NDUFB6: variants seen among roughly 807,000 people sequenced by gnomAD.
The protein encoded by NDUFB6 is NADH dehydrogenase [ubiquinone] 1 beta subcomplex subunit 6.
A neutral mutation model predicts 17.5 loss-of-function variants in NDUFB6; 23 were observed. The observed-to-expected ratio is 1.31, with a 90% CI of 0.94 to 1.86. NDUFB6 has a LOEUF of 1.86. Ranked by LOEUF, NDUFB6 falls within the 40% of genes most tolerant of loss-of-function variation. The pLI is 0.00. For missense variants in NDUFB6, 167 were observed against 153.8 expected, an observed-to-expected ratio of 1.09 and a Z score of -0.46; for synonymous variants, 60 against 53.5, an observed-to-expected ratio of 1.12 and a Z score of -0.53.
chr9:32,563,490 G>GTTTTTTTTTT (rs1239149080), intron 2 of NDUFB6, among the ~76,000 whole-genome samples: 1 of 47,562 alleles, frequency 2.1e-5, no homozygotes, highest in Admixed American at 1.7e-4. Context: ...GGACTATTGG[G>GTTTTTTTTTT]CTTTTTTTTT....
At chr9:32,566,199 G>A in intron 2 of NDUFB6, 1 of 775,824 alleles carries the variant, frequency 1.3e-6, no homozygotes, top group Non-Finnish European at 2.3e-6. Context: ...TCTGGGGTTT[G>A]TAGATTCTGT....
intron 2 of NDUFB6, chr9:32,566,699 G>T: frequency 7.2e-6 from 6 of 836,898 alleles, no homozygotes; most frequent in Non-Finnish European, 1.3e-5. Flanking sequence ...ATCTCAGATA[G>T]CCAGACTTAT....
intron 2 of NDUFB6, among the ~76,000 whole-genome samples, chr9:32,562,676 A>C (rs1187640359): frequency 6.6e-6 from 1 of 152,226 alleles, no homozygotes; most frequent in African/African-American, 2.4e-5. Flanking sequence ...AAGCAAAGAC[A>C]ATATTCTTAA....
intron 2 of NDUFB6, among the ~76,000 whole-genome samples, chr9:32,569,711 T>A (rs1365343699): frequency 6.6e-6 from 1 of 151,718 alleles, no homozygotes; most frequent in East Asian, 1.9e-4. Flanking sequence ...AAACATGGAG[T>A]CTCACTATGT....
At chr9:32,570,624 T>C (rs188432247) in intron 2 of NDUFB6, among the ~76,000 whole-genome samples, 7 of 152,304 alleles carry the variant, frequency 4.6e-5, no homozygotes, top group Admixed American at 4.6e-4. Flanking sequence ...TTTTACCTTA[T>C]ACGAGATACA....
intron 2 of NDUFB6, among the ~76,000 whole-genome samples, chr9:32,561,299 C>T (rs1031903470): frequency 3.9e-5 from 6 of 151,946 alleles, no homozygotes; most frequent in Admixed American, 3.9e-4. Flanking sequence ...ACTGCCATGG[C>T]AGCACACGCT....
At chr9:32,567,142 C>T (rs770382214) in intron 2 of NDUFB6, 8 of 477,850 alleles carry the variant, frequency 1.7e-5, no homozygotes, top group South Asian at 9.2e-5. Flanking sequence ...ATGTACTCAA[C>T]GCCTCTGGGC....
At chr9:32,559,997 T>C (rs1294309187) in intron 2 of NDUFB6, among the ~76,000 whole-genome samples, 1 of 152,204 alleles carries the variant, frequency 6.6e-6, no homozygotes, top group Non-Finnish European at 1.5e-5. Flanking sequence ...ATTATTGGCA[T>C]GATATGAGGC....
At chr9:32,554,653 T>C (rs1469805114) in intron 3 of NDUFB6, among the ~76,000 whole-genome samples, 1 of 152,222 alleles carries the variant, frequency 6.6e-6, no homozygotes, top group African/African-American at 2.4e-5. Flanking sequence ...CTGCTCAGGA[T>C]TATAGTCCAA....
chr9:32,559,199 A>T (rs1168060245), intron 2 of NDUFB6, among the ~76,000 whole-genome samples: 3 of 152,092 alleles, frequency 2.0e-5, no homozygotes, highest in Admixed American at 6.6e-5. Flanking sequence ...ATCTCAGTAA[A>T]TGACACTCTT....
At position 32,553,871 on chromosome 9, in the gene NDUFB6, A is replaced by C. The variant is rs1035190565; in HGVS notation, c.*5T>G. 4 of 1,559,204 alleles carry C rather than the reference A, an allele frequency of 2.6e-6. No individual in the cohort carries two copies. Among genetic ancestry groups the C allele is most frequent in the Non-Finnish European group, 3.5e-6 (4 of 1,132,598 alleles). ...TCATAAGCCTTTTAACTTTTTACAT[A>C]ATCTTTAATGATGTTGATCAGGAAA... is the stretch of plus-strand genomic sequence containing the variant. On this transcript the variant is annotated 3_prime_UTR_variant, in exon 4 of 4. Transcript: ENST00000379847.
At chr9:32,568,583 G>C (rs1167270733) in intron 2 of NDUFB6, 11 of 175,262 alleles carry the variant, frequency 6.3e-5, no homozygotes, top group Non-Finnish European at 1.5e-4. Context: ...TCATGCTACA[G>C]AGATATCTTT....
At chr9:32,564,211 C>A (rs1821711155) in intron 2 of NDUFB6, among the ~76,000 whole-genome samples, 1 of 152,204 alleles carries the variant, frequency 6.6e-6, no homozygotes, top group African/African-American at 2.4e-5. Flanking sequence ...CATGAGTTCA[C>A]ACCAGTACCT....
intron 2 of NDUFB6, among the ~76,000 whole-genome samples, chr9:32,563,737 C>T (rs1299319568): frequency 1.3e-5 from 2 of 152,118 alleles, no homozygotes; most frequent in African/African-American, 4.8e-5. Flanking sequence ...AAAAAGCTTT[C>T]TTTTCTACCC....
chr9:32,565,457 G>A (rs2119024186), intron 2 of NDUFB6: 1 of 152,350 alleles, frequency 6.6e-6, no homozygotes, highest in East Asian at 1.9e-4. Context: ...GCAGACAGCT[G>A]ATGCATAAAC....
At chr9:32,567,259 G>A (rs1377579968) in intron 2 of NDUFB6, 5 of 472,684 alleles carry the variant, frequency 1.1e-5, no homozygotes, top group African/African-American at 2.0e-5. Flanking sequence ...GCCGGGAACC[G>A]ATCCCAGAAA....
chr9:32,563,956 C>T (rs1821703933), intron 2 of NDUFB6, among the ~76,000 whole-genome samples: 1 of 152,190 alleles, frequency 6.6e-6, no homozygotes, highest in African/African-American at 2.4e-5. Context: ...GTTCCAAGCT[C>T]ATCTTATACT....
rs938693190 is a variant in NDUFB6, at chr9:32,565,507, A to G, written c.273+5453T>C. 5 of 152,356 alleles carry G rather than the reference A, an allele frequency of 3.3e-5. 1 individual carries two copies. Among genetic ancestry groups the G allele is most frequent in the Admixed American group, 3.3e-4 (5 of 15,306 alleles). The allele number at this position is 152,356 out of a possible 1,614,324, so 9.4% of individuals were successfully genotyped here. A position where few individuals can be genotyped will look rare whatever the true frequency, so the allele number is the denominator to read the frequency against. Reference sequence around the variant, plus strand: ...ACAAGAGTGGCTAACTTCAGCCATGACACCGTTTTAGTATGGTGACCACAC... The same window carrying G: ...ACAAGAGTGGCTAACTTCAGCCATGGCACCGTTTTAGTATGGTGACCACAC... On this transcript the variant is annotated intron_variant, in intron 2 of 3. Coordinates refer to ENST00000379847, the MANE Select transcript of NDUFB6 (RefSeq NM_002493.5).
At position 32,553,678 on chromosome 9, in the gene NDUFB6, G is replaced by T. The variant is rs1480914496; in HGVS notation, c.*198C>A. 7.6e-6 allele frequency: 4 copies of T among 523,740 alleles called. No homozygotes were observed. In the South Asian group the frequency reaches 9.9e-5, roughly 13 times the overall value. The allele number at this position is 523,740 out of a possible 1,614,324, so 32.4% of individuals were successfully genotyped here. On this transcript the variant is annotated 3_prime_UTR_variant, in exon 4 of 4. Transcript: ENST00000379847. Reference sequence around the variant, plus strand: ...CAAGAATGACCAGAAAAAGTAGGTAGTCTCTCATATTTGTTTAGCATGTCC... The same window carrying T: ...CAAGAATGACCAGAAAAAGTAGGTATTCTCTCATATTTGTTTAGCATGTCC...
Sources: allele counts gnomAD v4.1 joint callset (sites outside exome capture counted in the v4.1 genomes callset), GRCh38; gene constraint gnomAD v4.1.1; transcripts MANE v1.5; gene names NCBI Gene and HGNC (gene_info 2026-07-23, HGNC 2026-07-21).